Variants in RPRD2 observed in about 807,000 individuals in gnomAD.
RPRD2 encodes regulation of nuclear pre-mRNA domain containing 2, also known as regulation of nuclear pre-mRNA domain-containing protein 2.
In RPRD2, 12 loss-of-function variants were observed where a neutral mutation model predicts 104.4. The ratio of observed to expected loss-of-function variants is 0.11; its 90% CI spans 0.07 to 0.19. The LOEUF (loss-of-function observed/expected upper bound fraction) is 0.19, where lower values mean the gene tolerates loss of function less well. Ranked by LOEUF, RPRD2 falls within the 10% of genes least tolerant of loss-of-function variation. RPRD2 has a pLI of 1.00. For synonymous variants in RPRD2, 714 were observed against 684.9 expected (o/e 1.04, Z -0.66); for missense variants, 1,543 against 1,790.1 (o/e 0.86, Z 2.49).
intron 1 of RPRD2, among the ~76,000 whole-genome samples, chr1:150,379,370 T>A (rs1553880283): frequency 6.6e-6 from 1 of 152,152 alleles, no homozygotes; most frequent in East Asian, 1.9e-4. Context: ...GTTTTTAAAT[T>A]CTTAGGTTTA....
At chr1:150,403,162 C>G (rs1360109848) in intron 1 of RPRD2, among the ~76,000 whole-genome samples, 1 of 152,182 alleles carries the variant, frequency 6.6e-6, no homozygotes, top group African/African-American at 2.4e-5. Context: ...CACCTTCTTT[C>G]TCTACATACC....
chr1:150,442,978 T>C (rs1666506140), intron 4 of RPRD2, among the ~76,000 whole-genome samples: 1 of 152,014 alleles, frequency 6.6e-6, no homozygotes. Context: ...AAATCAATAA[T>C]TCTAGGACTT....
chr1:150,410,545 G>A (rs12741448), intron 1 of RPRD2, among the ~76,000 whole-genome samples: 33,833 of 152,072 alleles, frequency 0.22, 4,294 homozygotes, highest in African/African-American at 0.32. Flanking sequence ...GAGTATTACA[G>A]AAACCTTCTG....
At chr1:150,380,639 AC>A (rs782002156) in intron 1 of RPRD2, among the ~76,000 whole-genome samples, 5 of 150,230 alleles carry the variant, frequency 3.3e-5, no homozygotes, top group Non-Finnish European at 7.4e-5. Context: ...GAGCCACCAC[AC>A]CCGGCTCCTA....
chr1:150,431,681 A>G (rs1460116219), intron 2 of RPRD2, among the ~76,000 whole-genome samples: 3 of 151,738 alleles, frequency 2.0e-5, no homozygotes, highest in Middle Eastern at 3.4e-3. Flanking sequence ...GGGGTTCACC[A>G]TGTTGGTCAG....
intron 1 of RPRD2, among the ~76,000 whole-genome samples, chr1:150,406,740 G>A (rs1327338008): frequency 6.6e-6 from 1 of 152,102 alleles, no homozygotes; most frequent in Admixed American, 6.6e-5. Flanking sequence ...TTGAGATGGA[G>A]TTTTGCTTTT....
At chr1:150,397,457 G>C (rs1553884419) in intron 1 of RPRD2, among the ~76,000 whole-genome samples, 1 of 151,954 alleles carries the variant, frequency 6.6e-6, no homozygotes, top group East Asian at 1.9e-4. Flanking sequence ...TATAAGTTCT[G>C]TTACTCCCCA....
chr1:150,417,934 C>CT (rs201662911), intron 2 of RPRD2, among the ~76,000 whole-genome samples: 5,561 of 145,216 alleles, frequency 0.038, 134 homozygotes, highest in Non-Finnish European at 0.052. Context: ...TTCTTTCTTT[C>CT]TTCCTTTCCT....
intron 9 of RPRD2, among the ~76,000 whole-genome samples, chr1:150,462,713 G>A (rs1478572674): frequency 2.0e-5 from 3 of 151,810 alleles, no homozygotes; most frequent in Non-Finnish European, 4.4e-5. Context: ...CTGCCACCAC[G>A]CCCAGCTAAT....
At chr1:150,447,636 G>A (rs2102375664) in intron 7 of RPRD2, among the ~76,000 whole-genome samples, 1 of 152,084 alleles carries the variant, frequency 6.6e-6, no homozygotes, top group African/African-American at 2.4e-5. Flanking sequence ...ACCCAGCCAG[G>A]GAACTTCTTT....
Position 150,476,208 on chromosome 1 carries a change from C to T in RPRD2, c.*2874C>T, listed in dbSNP as rs1668883284. The T allele has an allele frequency of 6.6e-6, 1 of 152,100 alleles. No individual in the cohort carries two copies. Among genetic ancestry groups the T allele is most frequent in the African/African-American group, 2.4e-5 (1 of 41,396 alleles). 9.4% of individuals were successfully genotyped at this position (152,100 alleles called of 1,614,324 possible). A position where few individuals can be genotyped will look rare whatever the true frequency, so the allele number is the denominator to read the frequency against. ...AATAGGACTTTTATACTTTCCAATA[C>T]CAGGAATAAAATGTTTGTGATATAT... On this transcript the variant is annotated 3_prime_UTR_variant, in exon 11 of 11. Transcript: ENST00000369068.
chr1:150,373,047 T>C (rs1309598746), intron 1 of RPRD2, among the ~76,000 whole-genome samples: 1 of 151,844 alleles, frequency 6.6e-6, no homozygotes, highest in African/African-American at 2.4e-5. Context: ...GGAATTTTGC[T>C]CTGTTGCTCA....
chr1:150,454,529 C>G (rs1667391047), intron 7 of RPRD2, among the ~76,000 whole-genome samples: 2 of 152,052 alleles, frequency 1.3e-5, no homozygotes, highest in Non-Finnish European at 2.9e-5. Context: ...AAGCTAGATT[C>G]TAATGTATTC....
Position 150,364,245 on chromosome 1 carries a change from T to G in RPRD2, c.-470T>G, listed in dbSNP as rs1659652347. 1.3e-5 allele frequency among the ~76,000 whole-genome samples: 2 copies of G among 152,120 alleles called. No homozygotes were observed. The highest frequency in any genetic ancestry group is 4.1e-4 in the South Asian group (2 of 4,824). On this transcript the variant is annotated 5_prime_UTR_variant, in exon 1 of 11. Transcript: ENST00000369068. ...CTAGCGAGTCTAAAGGAAAGAAAGA[T>G]TTCTGCAACTGAAGGGGCAGTCGGG...
At chr1:150,395,513 CT>C (rs71086506) in intron 1 of RPRD2, among the ~76,000 whole-genome samples, 11,537 of 131,510 alleles carry the variant, frequency 0.088, 536 homozygotes, top group African/African-American at 0.11. Flanking sequence ...ATGCAAATAT[CT>C]TTTTTTTTTT....
At chr1:150,435,179 CTTAA>C (rs1358476522) in intron 2 of RPRD2, among the ~76,000 whole-genome samples, 2 of 152,160 alleles carry the variant, frequency 1.3e-5, no homozygotes, top group African/African-American at 4.8e-5. Flanking sequence ...AGACCGTGAA[CTTAA>C]TTGATAAATG....
chr1:150,411,409 C>T (rs1663895687), intron 1 of RPRD2, among the ~76,000 whole-genome samples: 2 of 138,520 alleles, frequency 1.4e-5, no homozygotes, highest in African/African-American at 2.8e-5. Flanking sequence ...TGCAGTGAGC[C>T]GAGATCGCGC....
chr1:150,466,244 G>A (rs1668264616), intron 10 of RPRD2, among the ~76,000 whole-genome samples: 1 of 151,824 alleles, frequency 6.6e-6, no homozygotes, highest in Non-Finnish European at 1.5e-5. Flanking sequence ...CGGGCGTGGT[G>A]GCGGGCACCT....
intron 1 of RPRD2, among the ~76,000 whole-genome samples, chr1:150,377,746 G>A: frequency 6.6e-6 from 1 of 152,092 alleles, no homozygotes; most frequent in East Asian, 1.9e-4. Context: ...ATTGTTTACT[G>A]AGGATCCTTA....
Sources: gnomAD v4.1 joint callset for allele counts (sites outside exome capture counted in the v4.1 genomes callset) on GRCh38, gnomAD v4.1.1 for gene constraint, MANE v1.5 for transcripts, NCBI Gene and HGNC (gene_info 2026-07-23, HGNC 2026-07-21) for gene names.